The following MBNL1 variants were observed in gnomAD, a reference collection of about 807,000 sequenced individuals.
MBNL1 encodes muscleblind like splicing regulator 1, also known as muscleblind-like protein 1.
In MBNL1, 8 loss-of-function variants were observed where a neutral mutation model predicts 42.2. The observed-to-expected ratio is 0.19, with a 90% confidence interval of 0.11 to 0.34. The LOEUF (loss-of-function observed/expected upper bound fraction) is 0.34. Among genes scored for constraint, MBNL1 ranks in the 10% least tolerant of loss-of-function variants. MBNL1 has a pLI of 1.00. For missense variants in MBNL1, 309 were observed against 495.3 expected (o/e 0.62, Z 3.57); for synonymous variants, 169 against 173.9 (o/e 0.97, Z 0.22).
intron 2 of MBNL1, among the ~76,000 whole-genome samples, chr3:152,379,468 T>C (rs2097083968): frequency 6.6e-6 from 1 of 152,208 alleles, no homozygotes; most frequent in African/African-American, 2.4e-5. Flanking sequence ...GAAAAATATA[T>C]TTTCCTTTCT....
In MBNL1 at chr3:152,335,336, T is replaced by A. The variant is rs981994623; in HGVS notation, c.174+34969T>A. 29 of 1,083,566 alleles carry A rather than the reference T, an allele frequency of 2.7e-5. No homozygotes were observed. The African/African-American group carries it at 4.7e-4, about 18-fold the overall frequency. 67.1% of individuals were successfully genotyped at this position (1,083,566 alleles called of 1,614,324 possible). On this transcript the variant is annotated intron_variant, in intron 2 of 9. Coordinates refer to ENST00000324210, the MANE Select transcript of MBNL1 (RefSeq NM_021038.5). ...ATCCATGGGAAATGGCTTTTGGTAT[T>A]CTGTACATTAGAAACTGTTTTAGAG...
chr3:152,252,391 T>C (rs534434527), intron 2 of MBNL1, among the ~76,000 whole-genome samples: 1 of 152,066 alleles, frequency 6.6e-6, no homozygotes, highest in South Asian at 2.1e-4. Context: ...TTAGGGTTTT[T>C]CCCTTTACAT....
intron 2 of MBNL1, among the ~76,000 whole-genome samples, chr3:152,405,360 C>A (rs1386051278): frequency 6.6e-6 from 1 of 152,088 alleles, no homozygotes; most frequent in Non-Finnish European, 1.5e-5. Flanking sequence ...TACAAACAAC[C>A]CTTCCCAGTA....
chr3:152,244,361 A>G (rs2032388812), exon 2 of MBNL1: 1 of 152,244 alleles, frequency 6.6e-6, no homozygotes, highest in Non-Finnish European at 1.5e-5. Flanking sequence ...AGTTGAGCAG[A>G]GAACTGAGCT....
chr3:152,409,733 C>T (rs922997724), intron 2 of MBNL1, among the ~76,000 whole-genome samples: 3 of 152,156 alleles, frequency 2.0e-5, no homozygotes, highest in Non-Finnish European at 4.4e-5. Flanking sequence ...TCCTTTATTT[C>T]CAGAGTCTAC....
chr3:152,423,469 A>G (rs1459980691), intron 3 of MBNL1, among the ~76,000 whole-genome samples: 3 of 152,182 alleles, frequency 2.0e-5, no homozygotes, highest in African/African-American at 7.2e-5. Flanking sequence ...AAAGCCCAGG[A>G]CCAGACGGAT....
chr3:152,266,283 T>G (rs1576829143), upstream of MBNL1: 1 of 152,212 alleles, frequency 6.6e-6, no homozygotes, highest in Non-Finnish European at 1.5e-5. Context: ...GTTTCTAACA[T>G]TAAAGGATCA....
At chr3:152,412,046 A>T (rs2098593499) in intron 2 of MBNL1, among the ~76,000 whole-genome samples, 1 of 152,184 alleles carries the variant, frequency 6.6e-6, no homozygotes, top group Non-Finnish European at 1.5e-5. Context: ...GGGCTCAGAG[A>T]TGGATGAAGC....
intron 2 of MBNL1, among the ~76,000 whole-genome samples, chr3:152,354,843 C>A (rs1228004642): frequency 1.3e-5 from 2 of 152,126 alleles, no homozygotes; most frequent in Non-Finnish European, 2.9e-5. Context: ...ATGATTCCCC[C>A]TTAGTATTTG....
At chr3:152,443,188 C>A (rs116639395) in intron 4 of MBNL1, among the ~76,000 whole-genome samples, 2,349 of 142,858 alleles carry the variant, frequency 0.016, 62 homozygotes, top group African/African-American at 0.058. Context: ...AAACCCCCCC[C>A]CCCACACACA....
At chr3:152,414,431 T>C (rs1470549429) in intron 2 of MBNL1, among the ~76,000 whole-genome samples, 1 of 152,196 alleles carries the variant, frequency 6.6e-6, no homozygotes, top group Non-Finnish European at 1.5e-5. Context: ...TGGTAAAGCC[T>C]AGTAGTAATT....
intron 2 of MBNL1, among the ~76,000 whole-genome samples, chr3:152,307,844 C>T (rs1560077892): frequency 6.6e-6 from 1 of 152,092 alleles, no homozygotes. Context: ...AGTACAGGGC[C>T]TAAAACAGTA....
At chr3:152,437,176 T>A (rs2099089972) in intron 4 of MBNL1, among the ~76,000 whole-genome samples, 1 of 152,240 alleles carries the variant, frequency 6.6e-6, no homozygotes, top group Non-Finnish European at 1.5e-5. Flanking sequence ...TTCTGAAGCA[T>A]ATTTTTGAAT....
At chr3:152,258,189 T>A (rs906970322) in intron 2 of MBNL1, among the ~76,000 whole-genome samples, 3 of 152,206 alleles carry the variant, frequency 2.0e-5, no homozygotes, top group Non-Finnish European at 4.4e-5. Flanking sequence ...AGCTTATTTT[T>A]TAAAAAACAT....
chr3:152,364,762 A>G (rs1232028221), intron 2 of MBNL1, among the ~76,000 whole-genome samples: 1 of 152,156 alleles, frequency 6.6e-6, no homozygotes, highest in African/African-American at 2.4e-5. Context: ...GGGAAAAAAA[A>G]TTGGTCAGAT....
In MBNL1 at chr3:152,445,558, T is replaced by C. The variant is rs762792836; in HGVS notation, c.807+19T>C. The C allele has an allele frequency of 6.3e-7, 1 of 1,593,744 alleles. No homozygotes were observed. The highest frequency in any genetic ancestry group is 8.6e-7 in the Non-Finnish European group (1 of 1,168,648). On this transcript the variant is annotated intron_variant, in intron 5 of 9. Coordinates refer to ENST00000324210, the MANE Select transcript of MBNL1 (RefSeq NM_021038.5). Reference sequence around the variant, plus strand: ...TGCCATGGTGAGTAGAGATATCAGCTCTCTCCTTGTTAGCAGTCAGAAAAG... The same window carrying C: ...TGCCATGGTGAGTAGAGATATCAGCCCTCTCCTTGTTAGCAGTCAGAAAAG...
chr3:152,338,165 G>A, intron 2 of MBNL1: 7 of 985,330 alleles, frequency 7.1e-6, no homozygotes, highest in Non-Finnish European at 8.4e-6. Flanking sequence ...CTTATGTATG[G>A]GATGCTAGAA....
chr3:152,423,886 T>G (rs2098846704), intron 3 of MBNL1, among the ~76,000 whole-genome samples: 1 of 152,200 alleles, frequency 6.6e-6, no homozygotes, highest in South Asian at 2.1e-4. Flanking sequence ...TCAACATCCC[T>G]TCATGCTAAA....
At chr3:152,274,421 G>A (rs984369339) in intron 1 of MBNL1, among the ~76,000 whole-genome samples, 2 of 152,044 alleles carry the variant, frequency 1.3e-5, no homozygotes, top group South Asian at 2.1e-4. Context: ...TAAGAGCTTC[G>A]AAAATAACTA....
Sources: allele counts gnomAD v4.1 joint callset (sites outside exome capture counted in the v4.1 genomes callset), GRCh38; gene constraint gnomAD v4.1.1; transcripts MANE v1.5; gene names NCBI Gene and HGNC (gene_info 2026-07-23, HGNC 2026-07-21).